The following CTNNA2 variants were observed in gnomAD, a reference collection of about 807,000 sequenced individuals.
CTNNA2 encodes catenin alpha 2.
A neutral mutation model predicts 101.0 loss-of-function variants in CTNNA2; 42 were observed. The observed-to-expected ratio is 0.42, with a 90% confidence interval of 0.32 to 0.54. The LOEUF (loss-of-function observed/expected upper bound fraction) is 0.54. CTNNA2 is among the 20% of genes least tolerant of loss of function. The pLI is 0.14. For missense variants in CTNNA2, 871 were observed against 1,223.1 expected, an observed-to-expected ratio of 0.71 and a Z score of 4.29; for synonymous variants, 450 against 456.4, an observed-to-expected ratio of 0.99 and a Z score of 0.18.
At chr2:79,405,529 T>C (rs1188014551) in intron 4 of CTNNA2, among the ~76,000 whole-genome samples, 1 of 151,952 alleles carries the variant, frequency 6.6e-6, no homozygotes, top group Non-Finnish European at 1.5e-5. Flanking sequence ...TTTCATCATG[T>C]TGACCAGGTG....
At chr2:79,607,741 A>G (rs1677987313) in intron 1 of CTNNA2, among the ~76,000 whole-genome samples, 1 of 152,150 alleles carries the variant, frequency 6.6e-6, no homozygotes, top group Non-Finnish European at 1.5e-5. Flanking sequence ...AACACAAGAT[A>G]TGCACATTTC....
chr2:79,938,036 C>G (rs1030927787), intron 7 of CTNNA2, among the ~76,000 whole-genome samples: 3 of 152,136 alleles, frequency 2.0e-5, no homozygotes, highest in African/African-American at 7.2e-5. Flanking sequence ...ACACCAACTT[C>G]CCATGGCTAT....
intron 7 of CTNNA2, among the ~76,000 whole-genome samples, chr2:80,116,154 A>C (rs1283021275): frequency 1.3e-5 from 2 of 152,038 alleles, no homozygotes; most frequent in Non-Finnish European, 2.9e-5. Flanking sequence ...TCATTATAGC[A>C]CAAAAGCAGC....
intron 3 of CTNNA2, among the ~76,000 whole-genome samples, chr2:79,340,833 C>CAAAAAAAAAAAAAAAAA (rs56276462): frequency 1.2e-4 from 4 of 32,530 alleles, no homozygotes; most frequent in African/African-American, 3.7e-4. Flanking sequence ...GACTCAGTCT[C>CAAAAAAAAAAAAAAAAA]AAAAAAAAAA....
chr2:80,130,763 A>G (rs1348157583), intron 7 of CTNNA2, among the ~76,000 whole-genome samples: 3 of 150,866 alleles, frequency 2.0e-5, no homozygotes, highest in Non-Finnish European at 4.4e-5. Context: ...TTTTTTTTTT[A>G]ATTTTCTGAT....
intron 7 of CTNNA2, among the ~76,000 whole-genome samples, chr2:80,074,531 G>A (rs905223131): frequency 6.6e-6 from 1 of 152,150 alleles, no homozygotes; most frequent in African/African-American, 2.4e-5. Flanking sequence ...ATGCGTGTGT[G>A]GGGTGAAATA....
intron 7 of CTNNA2, among the ~76,000 whole-genome samples, chr2:80,319,766 C>T (rs909656113): frequency 6.6e-6 from 1 of 152,062 alleles, no homozygotes; most frequent in Non-Finnish European, 1.5e-5. Flanking sequence ...CATTTACCAC[C>T]CACCTAAATG....
intron 2 of CTNNA2, among the ~76,000 whole-genome samples, chr2:79,738,329 G>T (rs1671043271): frequency 6.6e-6 from 1 of 152,202 alleles, no homozygotes; most frequent in Admixed American, 6.5e-5. Flanking sequence ...AGAGATTGAG[G>T]AAATATTTGG....
At chr2:79,597,945 G>T (rs1015591167) in intron 1 of CTNNA2, among the ~76,000 whole-genome samples, 9 of 152,152 alleles carry the variant, frequency 5.9e-5, no homozygotes, top group African/African-American at 2.2e-4. Flanking sequence ...TGCTCCACCT[G>T]TTCATACCTC....
At chr2:80,364,717 G>A (rs181463584) in intron 7 of CTNNA2, among the ~76,000 whole-genome samples, 38 of 152,142 alleles carry the variant, frequency 2.5e-4, no homozygotes, top group Non-Finnish European at 5.1e-4. Context: ...CAACTCATTA[G>A]AGAAGCTCAC....
rs538818352 is a variant in CTNNA2, at chr2:80,337,212, G to T, written c.1057-55999G>T. 1.3e-3 allele frequency among the ~76,000 whole-genome samples: 202 copies of T among 152,064 alleles called. 1 individual carries two copies. Among genetic ancestry groups the T allele is most frequent in the Non-Finnish European group, 2.2e-3 (150 of 67,976 alleles). On this transcript the variant is annotated intron_variant, in intron 7 of 18. Coordinates refer to ENST00000402739, the MANE Select transcript of CTNNA2 (RefSeq NM_001282597.3). ...CTACTAAAAATACAAAACATTAGCC[G>T]GGTGTGGTGGCACACACCTGTAGTC...
intron 2 of CTNNA2, among the ~76,000 whole-genome samples, chr2:79,286,169 C>T (rs958389615): frequency 1.3e-5 from 2 of 152,074 alleles, no homozygotes; most frequent in African/African-American, 4.8e-5. Context: ...AGATGGGTTT[C>T]CTGGATACAG....
chr2:80,213,948 G>T (rs1245935717), intron 7 of CTNNA2, among the ~76,000 whole-genome samples: 2 of 152,172 alleles, frequency 1.3e-5, no homozygotes, highest in Non-Finnish European at 2.9e-5. Flanking sequence ...TTGTTGAATT[G>T]ATGCCTTTAC....
At chr2:79,242,098 G>C (rs1674634653) in intron 2 of CTNNA2, among the ~76,000 whole-genome samples, 1 of 151,992 alleles carries the variant, frequency 6.6e-6, no homozygotes, top group African/African-American at 2.4e-5. Context: ...AGTAGAGACG[G>C]GGTTTCACTG....
chr2:79,819,905 T>C (rs1677868127), intron 3 of CTNNA2, among the ~76,000 whole-genome samples: 1 of 151,838 alleles, frequency 6.6e-6, no homozygotes, highest in Non-Finnish European at 1.5e-5. Context: ...TATAAATATA[T>C]ACAACTATTA....
At chr2:80,306,400 T>TTTCTTTCTTTCTTTCTTTCTTTC (rs201581568) in intron 7 of CTNNA2, among the ~76,000 whole-genome samples, 1 of 109,200 alleles carries the variant, frequency 9.2e-6, no homozygotes, top group African/African-American at 4.1e-5. Flanking sequence ...TTTTCTTTTC[T>TTTCTTTCTTTCTTTCTTTCTTTC]TTTCTTTCTT....
At chr2:79,488,451 T>A (rs1249516175) in intron 4 of CTNNA2, among the ~76,000 whole-genome samples, 1 of 151,946 alleles carries the variant, frequency 6.6e-6, no homozygotes, top group Non-Finnish European at 1.5e-5. Context: ...AAGTGTAGAC[T>A]AGATTATCAA....
intron 3 of CTNNA2, among the ~76,000 whole-genome samples, chr2:79,365,016 C>A (rs1474334554): frequency 2.6e-5 from 4 of 152,046 alleles, no homozygotes; most frequent in African/African-American, 9.7e-5. Flanking sequence ...GTGGCTTATG[C>A]CTGTAATTCA....
intron 3 of CTNNA2, among the ~76,000 whole-genome samples, chr2:79,803,723 G>T (rs1369588129): frequency 2.0e-5 from 3 of 152,230 alleles, no homozygotes; most frequent in Admixed American, 6.5e-5. Flanking sequence ...CCAGATTTTG[G>T]GGGCTTGCTC....
Sources: gnomAD v4.1 joint callset for allele counts (sites outside exome capture counted in the v4.1 genomes callset) on GRCh38, gnomAD v4.1.1 for gene constraint, MANE v1.5 for transcripts, NCBI Gene and HGNC (gene_info 2026-07-23, HGNC 2026-07-21) for gene names.